DOCK9: variants seen among roughly 807,000 people sequenced by gnomAD.
The protein encoded by DOCK9 is dedicator of cytokinesis 9.
Under a neutral mutation model 263.3 loss-of-function variants are expected in DOCK9, and 89 were observed. That is an observed-to-expected ratio of 0.34 (90% CI 0.28 to 0.40). The LOEUF is 0.40. Among genes scored for constraint, DOCK9 ranks in the 10% least tolerant of loss-of-function variants. The pLI is 1.00. For synonymous variants in DOCK9, 976 were observed against 973.1 expected (o/e 1.00, Z -0.06); for missense variants, 2,140 against 2,603.4 (o/e 0.82, Z 3.87).
intron 1 of DOCK9, among the ~76,000 whole-genome samples, chr13:98,992,585 T>A (rs1472046803): frequency 1.3e-5 from 2 of 152,190 alleles, no homozygotes; most frequent in African/African-American, 4.8e-5. Context: ...GCTGTTCTCA[T>A]GAGTAAGTCT....
At chr13:98,991,862 C>T (rs576567908) in intron 1 of DOCK9, among the ~76,000 whole-genome samples, 31 of 152,024 alleles carry the variant, frequency 2.0e-4, no homozygotes, top group Non-Finnish European at 3.4e-4. Context: ...ATAATAAGGT[C>T]GCAGAGACCA....
intron 9 of DOCK9, among the ~76,000 whole-genome samples, chr13:98,913,504 A>G (rs1371810462): frequency 2.0e-5 from 3 of 152,232 alleles, no homozygotes; most frequent in Admixed American, 6.5e-5. Flanking sequence ...AAAATTTTTT[A>G]AAGTGCAGAA....
chr13:98,866,188 T>C (rs2094016305), intron 30 of DOCK9, among the ~76,000 whole-genome samples: 1 of 152,348 alleles, frequency 6.6e-6, no homozygotes, highest in South Asian at 2.1e-4. Flanking sequence ...GATGCATCAG[T>C]GTCTGACATT....
chr13:99,035,637 T>A (rs1306565378), intron 1 of DOCK9, among the ~76,000 whole-genome samples: 1 of 152,196 alleles, frequency 6.6e-6, no homozygotes, highest in Non-Finnish European at 1.5e-5. Context: ...GGTAGAGTCA[T>A]CAATCAACCC....
rs150901775 is a variant in DOCK9 at position 98,822,444 on chromosome 13, T to C, written c.5130+1954A>G. ...TAGTCTACTTTCCAATCTTTAATTG[T>C]TCCTGGCATCGTTGCTTTCCTTATC... On this transcript the variant is annotated intron_variant, in intron 45 of 52. Transcript: ENST00000682017. Among the ~76,000 whole-genome samples the C allele has an allele frequency of 9.6e-4, 147 of 152,338 alleles. 1 individual carries two copies. The highest frequency in any genetic ancestry group is 3.3e-3 in the African/African-American group (138 of 41,570).
rs74811229 is a variant in DOCK9 at position 99,046,936 on chromosome 13, T to C, written c.129+39287A>G. On this transcript the variant is annotated intron_variant, in intron 1 of 32. Transcript: ENST00000427887. ...TCCAAAGGAAAGCCCATCTTGACAC[T>C]TCCTCTCCCATAAGGATGAGCGTGA... Among the ~76,000 whole-genome samples the C allele has an allele frequency of 7.3e-3, 1,112 of 152,356 alleles. 9 individuals carry two copies. The highest frequency in any genetic ancestry group is 0.025 in the African/African-American group (1,029 of 41,588).
At chr13:98,846,757 C>T (rs1387896467) in intron 37 of DOCK9, 2 of 365,652 alleles carry the variant, frequency 5.5e-6, no homozygotes, top group Non-Finnish European at 1.1e-5. Flanking sequence ...GGACTATCAT[C>T]GACTGCATGC....
chr13:98,893,508 G>A (rs796957974), intron 15 of DOCK9, among the ~76,000 whole-genome samples: 6 of 152,240 alleles, frequency 3.9e-5, no homozygotes, highest in African/African-American at 1.4e-4. Context: ...GGACAGAATC[G>A]CTTTCTTACT....
chr13:99,006,026 G>A (rs1595886816), intron 1 of DOCK9, among the ~76,000 whole-genome samples: 1 of 152,134 alleles, frequency 6.6e-6, no homozygotes. Context: ...AAAGGTAATG[G>A]AAGAAACCAC....
intron 1 of DOCK9, among the ~76,000 whole-genome samples, chr13:99,070,855 G>C (rs2041638049): frequency 6.6e-6 from 1 of 152,152 alleles, no homozygotes; most frequent in African/African-American, 2.4e-5. Context: ...ATAAACATTT[G>C]ATATTTAACT....
chr13:98,840,279 C>T (rs1278963132), intron 38 of DOCK9, among the ~76,000 whole-genome samples: 3 of 152,178 alleles, frequency 2.0e-5, no homozygotes, highest in East Asian at 3.8e-4. Context: ...GTAAGGAGTG[C>T]GGTGTGAAGC....
At chr13:99,038,102 CATCA>C (rs530762324) in intron 1 of DOCK9, among the ~76,000 whole-genome samples, 17 of 152,056 alleles carry the variant, frequency 1.1e-4, no homozygotes, top group Non-Finnish European at 2.2e-4. Context: ...CATCAATTAT[CATCA>C]ATAAAGTGAT....
At chr13:99,073,550 CT>C (rs977455709) in intron 1 of DOCK9, among the ~76,000 whole-genome samples, 10 of 152,136 alleles carry the variant, frequency 6.6e-5, no homozygotes, top group African/African-American at 2.4e-4. Context: ...ACCAGGTCTT[CT>C]TATACAATGA....
At chr13:98,918,057 C>A (rs566360042) in intron 7 of DOCK9, among the ~76,000 whole-genome samples, 5 of 152,340 alleles carry the variant, frequency 3.3e-5, no homozygotes, top group African/African-American at 9.6e-5. Flanking sequence ...GAAACAGGAT[C>A]TGGACTTAGC....
rs1341147361 is a variant in DOCK9 at position 98,923,385 on chromosome 13, A to G, written c.417-14T>C. 1 of 1,611,668 alleles carries G rather than the reference A, an allele frequency of 6.2e-7. No individual in the cohort carries two copies. The highest frequency in any genetic ancestry group is 2.2e-5 in the East Asian group (1 of 44,880). ...TTGACCACTTTGCTATAAAAACAAC[A>G]AAGAAAATTTGTTTTAGAAATGCCT... On this transcript the variant is annotated splice_polypyrimidine_tract_variant and intron_variant, in intron 4 of 52. Transcript: ENST00000682017.
rs1886013697 is a variant in DOCK9, at chr13:99,020,908, A to C, written c.129+65315T>G. Among the ~76,000 whole-genome samples the C allele has an allele frequency of 2.0e-5, 3 of 152,232 alleles. 1 individual carries two copies. In the South Asian group the frequency reaches 6.2e-4, roughly 32 times the overall value. On this transcript the variant is annotated intron_variant, in intron 1 of 32. Transcript: ENST00000427887. Reference sequence around the variant, plus strand: ...GATACAGCACACTTCACCAAATCTAAGTAAAGGGAGGACAGATAGAATTCA... The same window carrying C: ...GATACAGCACACTTCACCAAATCTACGTAAAGGGAGGACAGATAGAATTCA...
intron 38 of DOCK9, among the ~76,000 whole-genome samples, chr13:98,843,439 G>T (rs998648103): frequency 3.3e-5 from 5 of 152,184 alleles, no homozygotes; most frequent in African/African-American, 1.2e-4. Flanking sequence ...CTGAGTTGAT[G>T]ATTTGGAGCT....
chr13:98,924,158 C>T (rs1398776956), intron 4 of DOCK9, among the ~76,000 whole-genome samples: 1 of 152,030 alleles, frequency 6.6e-6, no homozygotes, highest in East Asian at 1.9e-4. Flanking sequence ...TTAAAAAATC[C>T]CTAAGGGAGG....
At chr13:99,045,057 G>A (rs1231794151) in intron 1 of DOCK9, among the ~76,000 whole-genome samples, 14 of 152,202 alleles carry the variant, frequency 9.2e-5, no homozygotes, top group Admixed American at 9.2e-4. Context: ...TGCTGTTTGT[G>A]GGACTGTAAA....
Sources: gnomAD v4.1 joint callset for allele counts (sites outside exome capture counted in the v4.1 genomes callset) on GRCh38, gnomAD v4.1.1 for gene constraint, MANE v1.5 for transcripts, NCBI Gene and HGNC (gene_info 2026-07-23, HGNC 2026-07-21) for gene names.